The following ZNF536 variants were observed in gnomAD, a reference collection of about 807,000 sequenced individuals.
The protein encoded by ZNF536 is zinc finger protein 536.
In ZNF536, 13 loss-of-function variants were observed where a neutral mutation model predicts 84.5. The ratio of observed to expected loss-of-function variants is 0.15; its 90% CI spans 0.10 to 0.24. The LOEUF is 0.24. Ranked by LOEUF, ZNF536 falls within the 10% of genes least tolerant of loss-of-function variation. ZNF536 has a pLI of 1.00. For synonymous variants in ZNF536, 811 were observed against 742.5 expected, an observed-to-expected ratio of 1.09 and a Z score of -1.50; for missense variants, 1,536 against 1,747.5, an observed-to-expected ratio of 0.88 and a Z score of 2.16.
chr19:30,659,953 GT>G (rs5827726), intron 1 of ZNF536, among the ~76,000 whole-genome samples: 29,551 of 115,372 alleles, frequency 0.26, 3,203 homozygotes, highest in African/African-American at 0.37. Flanking sequence ...TGACACAAGG[GT>G]GTGTGTGTGT....
chr19:30,399,078 G>A (rs944862772), intron 1 of ZNF536, among the ~76,000 whole-genome samples: 1 of 152,164 alleles, frequency 6.6e-6, no homozygotes, highest in Admixed American at 6.5e-5. Flanking sequence ...TCTAACGTGT[G>A]TTGTTTCCTG....
chr19:30,604,691 ATTGAGT>A (rs2047807333), intron 1 of ZNF536, among the ~76,000 whole-genome samples: 1 of 152,242 alleles, frequency 6.6e-6, no homozygotes, highest in Non-Finnish European at 1.5e-5. Context: ...TTGTCAACAA[ATTGAGT>A]TTGTGGGTCT....
intron 2 of ZNF536, among the ~76,000 whole-genome samples, chr19:30,523,753 C>T (rs2044461732): frequency 6.6e-6 from 1 of 152,148 alleles, no homozygotes; most frequent in Non-Finnish European, 1.5e-5. Context: ...GAAGTCAGGG[C>T]TGGAGTGCCA....
intron 1 of ZNF536, among the ~76,000 whole-genome samples, chr19:30,690,435 T>C (rs1036367598): frequency 5.3e-5 from 8 of 152,198 alleles, no homozygotes; most frequent in Non-Finnish European, 1.2e-4. Context: ...TAGTTCACAT[T>C]CAGGTCGAGT....
At chr19:30,260,926 TCCACAAATGTGGCTC>T (rs1225278030) in intron 1 of ZNF536, among the ~76,000 whole-genome samples, 1 of 152,208 alleles carries the variant, frequency 6.6e-6, no homozygotes, top group African/African-American at 2.4e-5. Context: ...TACTGAGCTC[TCCACAAATGTGGCTC>T]CCACTATGTG....
intron 2 of ZNF536, among the ~76,000 whole-genome samples, chr19:30,310,471 T>C (rs1291502178): frequency 6.6e-6 from 1 of 152,226 alleles, no homozygotes; most frequent in Non-Finnish European, 1.5e-5. Context: ...CATGCAGACA[T>C]GCAGAATTGA....
At chr19:30,604,691 A>T (rs1032622830) in intron 1 of ZNF536, among the ~76,000 whole-genome samples, 1 of 152,242 alleles carries the variant, frequency 6.6e-6, no homozygotes, top group Non-Finnish European at 1.5e-5. Flanking sequence ...TTGTCAACAA[A>T]TTGAGTTTGT....
intron 1 of ZNF536, among the ~76,000 whole-genome samples, chr19:30,244,266 C>T (rs887528958): frequency 8.5e-5 from 13 of 152,134 alleles, no homozygotes; most frequent in South Asian, 2.1e-4. Flanking sequence ...CTCATTACCC[C>T]GAGTTCTTCA....
chr19:30,348,071 T>C (rs2047807244), intron 2 of ZNF536, among the ~76,000 whole-genome samples: 1 of 152,266 alleles, frequency 6.6e-6, no homozygotes, highest in Admixed American at 6.5e-5. Context: ...TGTTTATGCA[T>C]TTACCCATTA....
intron 1 of ZNF536, among the ~76,000 whole-genome samples, chr19:30,669,452 G>A (rs111864337): frequency 6.6e-6 from 1 of 152,204 alleles, no homozygotes; most frequent in Non-Finnish European, 1.5e-5. Context: ...CAGCCTCGGT[G>A]TCCAGCCTGA....
chr19:30,444,761 C>T lies in ZNF536; in HGVS notation c.1199C>T (p.Ser400Leu), dbSNP rs746480413. 3.1e-6 allele frequency: 5 copies of T among 1,613,880 alleles called. No individual in the cohort carries two copies. The African/African-American group carries it at 4.0e-5, about 13-fold the overall frequency. ...ATGAAGGTCCACCTCAACAAGCTGTCGGTGAAGAACAAGTCCCCCAGCGAC... is the reference window on the plus strand; with the variant it reads ...ATGAAGGTCCACCTCAACAAGCTGTTGGTGAAGAACAAGTCCCCCAGCGAC... ...NHMKVHLNKLSVKNKSPSDPE... is the reference protein window; with the variant it reads ...NHMKVHLNKLLVKNKSPSDPE... Residue 400 changes from serine (S) to leucine (L), a missense_variant, in exon 2 of 5, where the codon TCG (serine) becomes TTG (leucine). Physicochemically the swap from Ser to Leu is moderately radical, Grantham distance 145. Around this residue, in one of 8 missense-constraint regions of ZNF536, gnomAD observed 25 missense variants for 78.9 expected, o/e 0.32. Coordinates refer to ENST00000355537, the MANE Select transcript of ZNF536 (RefSeq NM_014717.3).
downstream of ZNF536, among the ~76,000 whole-genome samples, chr19:30,558,463 G>A (rs1236183169): frequency 2.0e-5 from 3 of 152,184 alleles, no homozygotes; most frequent in Non-Finnish European, 4.4e-5. Flanking sequence ...ATGTGGAAAC[G>A]CTGACACCCA....
rs190705442 is a variant in ZNF536, at chr19:30,618,526, C to A, written c.169+69012C>A. Among the ~76,000 whole-genome samples the A allele has an allele frequency of 5.3e-3, 799 of 151,960 alleles. 6 individuals carry two copies. The highest frequency in any genetic ancestry group is 8.5e-3 in the Non-Finnish European group (578 of 67,930). On this transcript the variant is annotated intron_variant, in intron 1 of 1. Coordinates refer to the ZNF536 transcript ENST00000592773. ...ATTGGCTTACTTATACTTATTGATG[C>A]AAAAAATGTATTTGGTTCTAGTTCT...
At chr19:30,530,325 TGTC>T (rs1474784512) in intron 2 of ZNF536, among the ~76,000 whole-genome samples, 3 of 136,838 alleles carry the variant, frequency 2.2e-5, no homozygotes, top group African/African-American at 8.6e-5. Context: ...CCTCTCTCTC[TGTC>T]TTTTTGTTGT....
chr19:30,538,608 C>A (rs1025141748), intron 3 of ZNF536, among the ~76,000 whole-genome samples: 2 of 152,144 alleles, frequency 1.3e-5, no homozygotes, highest in African/African-American at 4.8e-5. Context: ...AAGCTTCAGC[C>A]AGGTCCTCAG....
intron 1 of ZNF536, among the ~76,000 whole-genome samples, chr19:30,671,912 T>C (rs1013411281): frequency 2.0e-5 from 3 of 152,136 alleles, no homozygotes; most frequent in Admixed American, 6.5e-5. Context: ...TCTGTGGCCA[T>C]TGGACTTGAG....
intron 1 of ZNF536, among the ~76,000 whole-genome samples, chr19:30,698,829 C>CCT (rs2051772927): frequency 6.6e-6 from 1 of 152,206 alleles, no homozygotes; most frequent in Non-Finnish European, 1.5e-5. Flanking sequence ...TGGCACAGTC[C>CCT]ACTCTTAAGG....
intron 1 of ZNF536, among the ~76,000 whole-genome samples, chr19:30,232,003 A>G (rs1486773988): frequency 6.6e-6 from 1 of 152,174 alleles, no homozygotes; most frequent in East Asian, 1.9e-4. Flanking sequence ...AAGAAAATGC[A>G]TCTTCAGAAT....
At chr19:30,268,173 T>C (rs1273247251) in intron 1 of ZNF536, among the ~76,000 whole-genome samples, 2 of 150,980 alleles carry the variant, frequency 1.3e-5, no homozygotes, top group African/African-American at 4.9e-5. Flanking sequence ...TCTACTAGTG[T>C]TTAGATCCCG....
Sources: allele counts gnomAD v4.1 joint callset (sites outside exome capture counted in the v4.1 genomes callset), GRCh38; gene constraint gnomAD v4.1.1; regional missense constraint gnomAD v4.1.1; transcripts MANE v1.5; gene names NCBI Gene and HGNC (gene_info 2026-07-23, HGNC 2026-07-21).